SHISAL1: variants seen among roughly 807,000 people sequenced by gnomAD.
The protein encoded by SHISAL1 is protein shisa-like-1.
A neutral mutation model predicts 22.6 loss-of-function variants in SHISAL1; 9 were observed. The observed-to-expected ratio is 0.40, with a 90% CI of 0.24 to 0.70. The LOEUF (loss-of-function observed/expected upper bound fraction) is 0.70. Among genes scored for constraint, SHISAL1 ranks in the 30% least tolerant of loss-of-function variants. The pLI is 0.39. For synonymous variants in SHISAL1, 119 were observed against 115.4 expected (o/e 1.03, Z -0.20); for missense variants, 246 against 270.6 (o/e 0.91, Z 0.64).
intron 4 of SHISAL1, among the ~76,000 whole-genome samples, chr22:44,269,837 T>C (rs2055194477): frequency 6.6e-6 from 1 of 152,176 alleles, no homozygotes; most frequent in South Asian, 2.1e-4. Flanking sequence ...CCCCTGGTGC[T>C]GGCGTCCCAT....
the SHISAL1 span, among the ~76,000 whole-genome samples, chr22:44,330,348 C>T: frequency 6.6e-6 from 1 of 152,238 alleles, no homozygotes; most frequent in South Asian, 2.1e-4. Flanking sequence ...CCCAGAGAGT[C>T]CCTGTGTGGG....
At chr22:44,275,771 C>T (rs1414312737) in intron 4 of SHISAL1, among the ~76,000 whole-genome samples, 1 of 152,174 alleles carries the variant, frequency 6.6e-6, no homozygotes, top group Non-Finnish European at 1.5e-5. Flanking sequence ...TCGGGATGGC[C>T]AAGCTGCAGT....
At chr22:44,329,904 C>T in the SHISAL1 span, among the ~76,000 whole-genome samples, 3 of 152,298 alleles carry the variant, frequency 2.0e-5, no homozygotes, top group Middle Eastern at 3.4e-3. Context: ...CCAATGGTTA[C>T]CCCTGGACCA....
intron 2 of SHISAL1, among the ~76,000 whole-genome samples, chr22:44,300,157 A>C (rs1473490212): frequency 6.6e-6 from 1 of 152,002 alleles, no homozygotes; most frequent in Non-Finnish European, 1.5e-5. Flanking sequence ...AGAGAGAGAC[A>C]GAGACAGAGA....
intron 4 of SHISAL1, among the ~76,000 whole-genome samples, chr22:44,252,621 A>G (rs1434672683): frequency 2.5e-5 from 3 of 120,286 alleles, no homozygotes; most frequent in Non-Finnish European, 3.4e-5. Context: ...AGCCATACAC[A>G]CTTGCTTAAA....
intron 4 of SHISAL1, among the ~76,000 whole-genome samples, chr22:44,284,478 G>A (rs140558551): frequency 2.2e-3 from 328 of 152,222 alleles, no homozygotes; most frequent in African/African-American, 7.6e-3. Flanking sequence ...GCAAACTCCT[G>A]CACCCCTCCA....
chr22:44,249,679 G>A lies in SHISAL1; in HGVS notation c.*6C>T. The A allele has an allele frequency of 2.6e-6, 2 of 779,510 alleles. No individual in the cohort carries two copies. Among genetic ancestry groups the A allele is most frequent in the East Asian group, 2.4e-5 (1 of 41,246 alleles). 48.3% of individuals were successfully genotyped at this position (779,510 alleles called of 1,614,324 possible). A position where few individuals can be genotyped will look rare whatever the true frequency, so the allele number is the denominator to read the frequency against. The stretch of plus-strand genomic sequence containing the variant: ...TCCCCCATCCTGAGGCACAGCAAAA[G>A]CGTTTTCTGGAGGAAATACAAGGAA... On this transcript the variant is annotated 3_prime_UTR_variant, in exon 5 of 5. Coordinates refer to ENST00000381176, the MANE Select transcript of SHISAL1 (RefSeq NM_001099294.2).
chr22:44,287,875 C>T (rs2055327232), intron 3 of SHISAL1, among the ~76,000 whole-genome samples: 1 of 152,100 alleles, frequency 6.6e-6, no homozygotes, highest in Admixed American at 6.5e-5. Context: ...CACGGAATTG[C>T]TCTAAGTGCC....
At chr22:44,281,827 C>T (rs1006132875) in intron 4 of SHISAL1, among the ~76,000 whole-genome samples, 3 of 152,334 alleles carry the variant, frequency 2.0e-5, no homozygotes, top group Non-Finnish European at 2.9e-5. Flanking sequence ...TGAAATTAAA[C>T]GAAGGCAGCT....
chr22:44,299,781 C>G (rs960302282), intron 2 of SHISAL1, among the ~76,000 whole-genome samples: 4 of 149,428 alleles, frequency 2.7e-5, no homozygotes, highest in African/African-American at 7.4e-5. Flanking sequence ...GACAGAAACA[C>G]AAAGACAGAG....
intron 4 of SHISAL1, among the ~76,000 whole-genome samples, chr22:44,271,990 G>A (rs181637244): frequency 6.6e-6 from 1 of 152,214 alleles, no homozygotes; most frequent in African/African-American, 2.4e-5. Context: ...TGCTGCGTTA[G>A]GGCATTTTAA....
rs2054978226 is a variant in SHISAL1, at chr22:44,244,114, G to A, written c.*5571C>T. ...TTTAAAACGGGAAATGGGAAAAATA[G>A]GAAGAAACTGCGTATGAGAAACTGA... is the stretch of plus-strand genomic sequence containing the variant. On this transcript the variant is annotated 3_prime_UTR_variant, in exon 5 of 5. Coordinates refer to ENST00000381176, the MANE Select transcript of SHISAL1 (RefSeq NM_001099294.2). 6.6e-6 allele frequency: 1 copy of A among 152,218 alleles called. No homozygotes were observed. Among genetic ancestry groups the A allele is most frequent in the African/African-American group, 2.4e-5 (1 of 41,444 alleles). 9.4% of individuals were successfully genotyped at this position (152,218 alleles called of 1,614,324 possible).
chr22:44,294,301 G>T lies in SHISAL1; in HGVS notation c.281+2371C>A, dbSNP rs2055371818. 3.3e-5 allele frequency among the ~76,000 whole-genome samples: 5 copies of T among 152,164 alleles called. No individual in the cohort carries two copies. In the South Asian group the frequency reaches 1.0e-3, roughly 32 times the overall value. ...CCCGTGCATTTGAGGAAGGAAGGAT[G>T]GGGAGCTGGCCTAGGTGGGAGGTGG... On this transcript the variant is annotated intron_variant, in intron 3 of 4. Transcript: ENST00000381176.
At chr22:44,258,435 C>T (rs184360999) in intron 4 of SHISAL1, among the ~76,000 whole-genome samples, 77 of 152,298 alleles carry the variant, frequency 5.1e-4, no homozygotes, top group African/African-American at 1.8e-3. Flanking sequence ...GCCTAGTACC[C>T]ATTAGTTATT....
At chr22:44,292,648 C>A (rs1026563408) in intron 3 of SHISAL1, among the ~76,000 whole-genome samples, 1 of 152,224 alleles carries the variant, frequency 6.6e-6, no homozygotes, top group Non-Finnish European at 1.5e-5. Context: ...CCCTCTCCAG[C>A]CCATCCAATG....
At chr22:44,256,698 G>A (rs1186421096) in intron 4 of SHISAL1, among the ~76,000 whole-genome samples, 1 of 152,130 alleles carries the variant, frequency 6.6e-6, no homozygotes, top group African/African-American at 2.4e-5. Context: ...CAGGCTTGTT[G>A]CTGCTTTTGG....
In SHISAL1 at chr22:44,273,944, G is replaced by A. The variant is rs917269578; in HGVS notation, c.599+11484C>T. Among the ~76,000 whole-genome samples, 204 of 152,274 alleles carry A rather than the reference G, an allele frequency of 1.3e-3. 1 individual carries two copies. The highest frequency in any genetic ancestry group is 2.4e-4 in the Non-Finnish European group (16 of 68,022). On this transcript the variant is annotated intron_variant, in intron 4 of 4. Coordinates refer to ENST00000381176, the MANE Select transcript of SHISAL1 (RefSeq NM_001099294.2). Reference sequence around the variant, plus strand: ...TCAAAGAAATGCAAACAGACTGGGCGCGGTGGCTCACGCCTGTAGTTCTAG... The same window carrying A: ...TCAAAGAAATGCAAACAGACTGGGCACGGTGGCTCACGCCTGTAGTTCTAG...
the SHISAL1 span, among the ~76,000 whole-genome samples, chr22:44,324,943 G>A: frequency 6.6e-6 from 1 of 152,306 alleles, no homozygotes; most frequent in Admixed American, 6.5e-5. Context: ...AATTTAAACA[G>A]CAAAGGCCCT....
intron 4 of SHISAL1, among the ~76,000 whole-genome samples, chr22:44,256,314 C>T (rs1368837974): frequency 6.6e-6 from 1 of 151,986 alleles, no homozygotes; most frequent in Non-Finnish European, 1.5e-5. Context: ...GTCTCAGGCC[C>T]TCGACTCACA....
Sources: allele counts gnomAD v4.1 joint callset (sites outside exome capture counted in the v4.1 genomes callset), GRCh38; gene constraint gnomAD v4.1.1; transcripts MANE v1.5; gene names NCBI Gene and HGNC (gene_info 2026-07-23, HGNC 2026-07-21).